RNF150: variants seen among roughly 807,000 people sequenced by gnomAD.
The protein encoded by RNF150 is ring finger protein 150.
RNF150 carries 24 observed loss-of-function variants against 39.3 expected under a neutral mutation model. The observed-to-expected ratio is 0.61, with a 90% CI of 0.44 to 0.86. The LOEUF (loss-of-function observed/expected upper bound fraction) is 0.86, where lower values mean the gene tolerates loss of function less well. RNF150 is among the 40% of genes least tolerant of loss of function. The pLI is 0.00. For missense variants in RNF150, 502 were observed against 587.8 expected (o/e 0.85, Z 1.51); for synonymous variants, 255 against 227.3 (o/e 1.12, Z -1.10).
chr4:141,195,276 A>G (rs1728183796), intron 1 of RNF150, among the ~76,000 whole-genome samples: 1 of 152,140 alleles, frequency 6.6e-6, no homozygotes, highest in African/African-American at 2.4e-5. Context: ...CTGAGCTAGG[A>G]TTATGTAAAA....
intron 1 of RNF150, among the ~76,000 whole-genome samples, chr4:141,111,031 T>C (rs889023078): frequency 6.6e-6 from 1 of 152,044 alleles, no homozygotes; most frequent in Non-Finnish European, 1.5e-5. Flanking sequence ...TGGTAAATCA[T>C]CTGAAGAGCC....
chr4:140,913,220 C>A (rs36000833), intron 5 of RNF150, among the ~76,000 whole-genome samples: 19,424 of 152,126 alleles, frequency 0.13, 1,423 homozygotes, highest in Admixed American at 0.21. Context: ...AAGATTGTCC[C>A]ACTGCACTCC....
chr4:141,202,988 T>C (rs1408016214), intron 1 of RNF150, among the ~76,000 whole-genome samples: 1 of 151,148 alleles, frequency 6.6e-6, no homozygotes, highest in Non-Finnish European at 1.5e-5. Flanking sequence ...GAAAGATTTA[T>C]TTTCAATTTT....
chr4:141,019,855 T>G (rs1735421819), intron 1 of RNF150, among the ~76,000 whole-genome samples: 1 of 152,200 alleles, frequency 6.6e-6, no homozygotes, highest in African/African-American at 2.4e-5. Context: ...TAAACATAGT[T>G]TAGCAGTTTT....
intron 4 of RNF150, among the ~76,000 whole-genome samples, chr4:140,930,942 G>GA (rs1731611155): frequency 6.6e-6 from 1 of 151,028 alleles, no homozygotes; most frequent in African/African-American, 2.4e-5. Context: ...ATCTGCTGGG[G>GA]TTTTTTTTTG....
chr4:141,071,586 A>T (rs1307439463), intron 1 of RNF150, among the ~76,000 whole-genome samples: 3 of 152,100 alleles, frequency 2.0e-5, no homozygotes, highest in African/African-American at 7.2e-5. Flanking sequence ...GAGTGTAATT[A>T]ATTTAAAATA....
At position 141,178,020 on chromosome 4, in the gene RNF150, C is replaced by T. The variant is rs144118834; in HGVS notation, c.-6+34774G>A. Among the ~76,000 whole-genome samples, 944 of 151,842 alleles carry T rather than the reference C, an allele frequency of 6.2e-3. 13 individuals carry two copies. Among genetic ancestry groups the T allele is most frequent in the African/African-American group, 0.022 (893 of 41,196 alleles). ...ATTGTATCTCAAAATATCTATAAAA[C>T]TGACAAATCTGGTCAGTTTGATTAG... On this transcript the variant is annotated intron_variant, in intron 1 of 7. Coordinates refer to the RNF150 transcript ENST00000420921.
At position 141,132,495 on chromosome 4, in the gene RNF150, T is replaced by G. The variant is rs763175787; in HGVS notation, c.314A>C (p.Asn105Thr). 2 of 1,606,792 alleles carry G rather than the reference T, an allele frequency of 1.2e-6. No individual in the cohort carries two copies. The highest frequency in any genetic ancestry group is 1.7e-5 in the Admixed American group (1 of 59,006). The change falls in exon 1 of 7, where the codon AAC becomes ACC. Residue 105 changes from asparagine (N) to threonine (T), a missense_variant. Asn to Thr is a moderately conservative substitution (Grantham distance 65). Coordinates refer to ENST00000515673, the MANE Select transcript of RNF150 (RefSeq NM_020724.2). This position sits in a 1 kb window ranked among gnomAD's most constrained non-coding sequence, Gnocchi z 4.9. ...GCGGGTCGGGGCGGCGAACTTGGTGTTGGGGTCGCAGGCCAGGCGGTCGTG... is the reference window on the plus strand; with the variant it reads ...GCGGGTCGGGGCGGCGAACTTGGTGGTGGGGTCGCAGGCCAGGCGGTCGTG... ...SAHDRLACDP[N>T]TKFAAPTRGK...
At chr4:141,170,456 G>A (rs1727694873) in intron 1 of RNF150, among the ~76,000 whole-genome samples, 1 of 152,098 alleles carries the variant, frequency 6.6e-6, no homozygotes, top group Non-Finnish European at 1.5e-5. Flanking sequence ...CAGATTAAAA[G>A]CAATAAAAAG....
intron 1 of RNF150, among the ~76,000 whole-genome samples, chr4:141,070,533 A>G (rs1737652170): frequency 1.3e-5 from 2 of 149,984 alleles, no homozygotes; most frequent in African/African-American, 4.9e-5. Flanking sequence ...ACAAATTTAC[A>G]AGAAAAAAAC....
intron 4 of RNF150, among the ~76,000 whole-genome samples, chr4:140,944,268 G>A (rs1376244662): frequency 1.3e-5 from 2 of 152,048 alleles, no homozygotes; most frequent in Non-Finnish European, 2.9e-5. Flanking sequence ...TTTGGCATAC[G>A]TATGAGGTAG....
intron 1 of RNF150, among the ~76,000 whole-genome samples, chr4:141,096,170 C>T (rs1738767183): frequency 7.0e-6 from 1 of 142,106 alleles, no homozygotes; most frequent in East Asian, 2.1e-4. Flanking sequence ...TTTTTAATAC[C>T]AAGGAGAGTT....
intron 1 of RNF150, among the ~76,000 whole-genome samples, chr4:141,128,634 A>G (rs1284158247): frequency 6.6e-6 from 1 of 152,112 alleles, no homozygotes; most frequent in Non-Finnish European, 1.5e-5. Context: ...GCTTTTTGCT[A>G]TGGCCTTCTT....
At chr4:141,136,048 T>C (rs896494123), upstream of RNF150, among the ~76,000 whole-genome samples, 1 of 152,186 alleles carries the variant, frequency 6.6e-6, no homozygotes, top group Non-Finnish European at 1.5e-5. Flanking sequence ...TCTTTAAAAC[T>C]CTTAAACTTA....
chr4:140,916,446 C>T (rs11100681), intron 5 of RNF150, among the ~76,000 whole-genome samples: 83,925 of 151,862 alleles, frequency 0.55, 23,675 homozygotes, highest in East Asian at 0.89. Context: ...AGGGTATCAG[C>T]GATGGAAGAC....
intron 6 of RNF150, among the ~76,000 whole-genome samples, chr4:140,882,509 A>G (rs1729415073): frequency 6.6e-6 from 1 of 152,104 alleles, no homozygotes; most frequent in Admixed American, 6.6e-5. Flanking sequence ...TTTTCTATCT[A>G]TTTTTGAAAA....
In RNF150 at chr4:140,973,383, A is replaced by G. The variant is rs1482236389; in HGVS notation, c.485-5510T>C. Among the ~76,000 whole-genome samples the G allele has an allele frequency of 2.0e-5, 3 of 152,090 alleles. No homozygotes were observed. In the East Asian group the frequency reaches 5.8e-4, roughly 29 times the overall value. The stretch of plus-strand genomic sequence containing the variant: ...TATTTGTAATACATGTACATTTTCA[A>G]TCTGAGGTATTTCATTTTATCTTTA... On this transcript the variant is annotated intron_variant, in intron 1 of 6. Coordinates refer to ENST00000515673, the MANE Select transcript of RNF150 (RefSeq NM_020724.2).
At chr4:141,058,311 A>C (rs1304403298) in intron 1 of RNF150, among the ~76,000 whole-genome samples, 2 of 152,086 alleles carry the variant, frequency 1.3e-5, no homozygotes, top group Non-Finnish European at 2.9e-5. Context: ...GGGAGGGTGA[A>C]GAAGAGGGGT....
rs748513755 is a variant in RNF150, at chr4:140,863,221, G to A, written c.*5040C>T. The A allele has an allele frequency of 5.9e-5, 9 of 152,190 alleles. No individual in the cohort carries two copies. The highest frequency in any genetic ancestry group is 1.0e-4 in the Non-Finnish European group (7 of 68,056). The allele number at this position is 152,190 out of a possible 1,614,324, so 9.4% of individuals were successfully genotyped here. A position where few individuals can be genotyped will look rare whatever the true frequency, so the allele number is the denominator to read the frequency against. ...CCCTGGGGGCTCAGGCGAATGAGGAGGGTCAAATGCTGAGGGTGGGAGAAA... is the reference window on the plus strand; with the variant it reads ...CCCTGGGGGCTCAGGCGAATGAGGAAGGTCAAATGCTGAGGGTGGGAGAAA... On this transcript the variant is annotated 3_prime_UTR_variant, in exon 7 of 7. Transcript: ENST00000515673.
Sources: gnomAD v4.1 joint callset for allele counts (sites outside exome capture counted in the v4.1 genomes callset) on GRCh38, gnomAD v4.1.1 for gene constraint, Gnocchi (gnomAD v3.1) non-coding constraint, MANE v1.5 for transcripts, NCBI Gene and HGNC (gene_info 2026-07-23, HGNC 2026-07-21) for gene names.